Variants in TTPAL observed in about 807,000 individuals in gnomAD.
TTPAL encodes alpha tocopherol transfer protein like, also known as alpha-tocopherol transfer protein-like.
Under a neutral mutation model 28.7 loss-of-function variants are expected in TTPAL, and 21 were observed. That is an observed-to-expected ratio of 0.73 (90% CI 0.52 to 1.06). TTPAL has a LOEUF of 1.06. Ranked by LOEUF, TTPAL falls within the 50% of genes least tolerant of loss-of-function variation. The probability of loss-of-function intolerance (pLI) is 0.00; values close to 1 mark genes in which losing one functional copy is unlikely to be tolerated. For synonymous variants in TTPAL, 169 were observed against 171.9 expected (o/e 0.98, Z 0.13); for missense variants, 345 against 425.5 (o/e 0.81, Z 1.67).
Position 44,489,375 on chromosome 20 carries a change from C to T in TTPAL, c.863C>T (p.Ala288Val), listed in dbSNP as rs1226722642. Reference sequence around the variant, plus strand: ...GAGCTGGACACTGCCACCTGGAACGCGGTACTGCTGGCTTCAGAAGACGAT... The same window carrying T: ...GAGCTGGACACTGCCACCTGGAACGTGGTACTGCTGGCTTCAGAAGACGAT... ...AGELDTATWN[A>V]VLLASEDDFV... The change falls in exon 5 of 5, where the codon GCG becomes GTG. Residue 288 changes from alanine to valine, a missense_variant. Ala to Val is a moderately conservative substitution (Grantham distance 64). Coordinates refer to ENST00000262605, the MANE Select transcript of TTPAL (RefSeq NM_001039199.3). 13 of 1,614,140 alleles carry T rather than the reference C, an allele frequency of 8.1e-6. No homozygotes were observed. The highest frequency in any genetic ancestry group is 1.6e-4 in the Middle Eastern group (1 of 6,062).
rs1372612443 is a variant in TTPAL at position 44,484,546 on chromosome 20, G to A, written c.639+16G>A. 6.6e-7 allele frequency: 1 copy of A among 1,523,738 alleles called. No homozygotes were observed. The highest frequency in any genetic ancestry group is 1.4e-5 in the African/African-American group (1 of 73,558). 94.4% of individuals were successfully genotyped at this position (1,523,738 alleles called of 1,614,324 possible). Reference sequence around the variant, plus strand: ...CATCCTCCAGGTAAGACCCGTATGTGTCCTGCCTGTTTCGTGGTGGCTCTG... The same window carrying A: ...CATCCTCCAGGTAAGACCCGTATGTATCCTGCCTGTTTCGTGGTGGCTCTG... On this transcript the variant is annotated intron_variant, in intron 3 of 4. Transcript: ENST00000262605.
At position 44,484,198 on chromosome 20, in the gene TTPAL, A is replaced by T. The variant is rs565572977; in HGVS notation, c.446-139A>T. On this transcript the variant is annotated intron_variant, in intron 2 of 4. Transcript: ENST00000262605. ...CTGCTGCTTATTGTTCCATTTACTA[A>T]CCTAAATAAGAGTCATGGCTACTAG... 3.8e-4 allele frequency: 203 copies of T among 540,688 alleles called. 1 individual carries two copies. The highest frequency in any genetic ancestry group is 3.7e-3 in the Middle Eastern group (7 of 1,906). 33.5% of individuals were successfully genotyped at this position (540,688 alleles called of 1,614,324 possible).
chr20:44,491,610 C>CT lies in TTPAL; in HGVS notation c.*2069_*2070insT, dbSNP rs2064206826. ...TTCACCATGGATAGTAACCCTGGAT[C>CT]CTCTACGGTACTGGCTGAGCTGGAA... On this transcript the variant is annotated 3_prime_UTR_variant, in exon 5 of 5. Transcript: ENST00000262605. The CT allele has an allele frequency of 6.6e-6, 1 of 152,280 alleles. No individual in the cohort carries two copies. The highest frequency in any genetic ancestry group is 1.5e-5 in the Non-Finnish European group (1 of 68,034). The allele number at this position is 152,280 out of a possible 1,614,324, so 9.4% of individuals were successfully genotyped here.
chr20:44,484,404 A>G lies in TTPAL; in HGVS notation c.513A>G (p.Lys171=). The G allele has an allele frequency of 6.2e-7, 1 of 1,606,826 alleles. No homozygotes were observed. Among genetic ancestry groups the G allele is most frequent in the Non-Finnish European group, 8.5e-7 (1 of 1,173,990 alleles). ...GAGCCATATACTTGACCTTAGAAAA[A>G]CTCATTCAGTCTGAAGAAACCCAGG... The part of the protein sequence containing the change: ...NIRAIYLTLE[K]LIQSEETQVN... Residue 171 remains lysine, a synonymous_variant, in exon 3 of 5, where the codon AAA becomes AAG. Transcript: ENST00000262605.
At position 44,476,762 on chromosome 20, in the gene TTPAL, T is replaced by C. The variant is rs1482963787; in HGVS notation, c.-16+771T>C. 2.0e-5 allele frequency among the ~76,000 whole-genome samples: 3 copies of C among 152,240 alleles called. No homozygotes were observed. In the East Asian group the frequency reaches 5.8e-4, roughly 29 times the overall value. On this transcript the variant is annotated intron_variant, in intron 1 of 4. Transcript: ENST00000262605. ...ATGCATTCTCTTCATTCCACTATAATGTAAGCTTTATTAGGCAAGGAATTG... is the reference window on the plus strand; with the variant it reads ...ATGCATTCTCTTCATTCCACTATAACGTAAGCTTTATTAGGCAAGGAATTG...
At chr20:44,481,636 C>T (rs1023247117) in intron 2 of TTPAL, among the ~76,000 whole-genome samples, 2 of 152,318 alleles carry the variant, frequency 1.3e-5, no homozygotes, top group Admixed American at 6.5e-5. Context: ...AGCCCTCTTT[C>T]GCTCATTCAT....
intron 2 of TTPAL, among the ~76,000 whole-genome samples, chr20:44,482,254 T>C (rs2122824946): frequency 2.0e-5 from 3 of 152,238 alleles, no homozygotes; most frequent in Admixed American, 2.0e-4. Context: ...CACGAGAATT[T>C]TGCACATATC....
At chr20:44,484,840 G>A (rs1002904928) in intron 3 of TTPAL, among the ~76,000 whole-genome samples, 3 of 152,186 alleles carry the variant, frequency 2.0e-5, no homozygotes, top group South Asian at 2.1e-4. Context: ...CTGGCTGGGC[G>A]CGGTGGCTCA....
chr20:44,478,524 A>T (rs1010531020), intron 1 of TTPAL: 2 of 152,262 alleles, frequency 1.3e-5, no homozygotes, highest in Non-Finnish European at 2.9e-5. Flanking sequence ...TGACCGGCAC[A>T]TATTCCCGAC....
intron 4 of TTPAL, among the ~76,000 whole-genome samples, chr20:44,488,724 G>A (rs1044542943): frequency 2.0e-5 from 3 of 152,180 alleles, no homozygotes; most frequent in East Asian, 1.9e-4. Flanking sequence ...CAACCCTGAC[G>A]TGGGAGCCTG....
chr20:44,480,752 G>A lies in TTPAL; in HGVS notation c.445+308G>A, dbSNP rs993385375. Among the ~76,000 whole-genome samples, 10 of 152,208 alleles carry A rather than the reference G, an allele frequency of 6.6e-5. No homozygotes were observed. Among genetic ancestry groups the A allele is most frequent in the African/African-American group, 1.9e-4 (8 of 41,532 alleles). ...GCCGTTCTCCCTGTCTCTGCCTGAC[G>A]GTCTGTGTATCCTTCAGCCACACAT... On this transcript the variant is annotated intron_variant, in intron 2 of 4. Coordinates refer to ENST00000262605, the MANE Select transcript of TTPAL (RefSeq NM_001039199.3). This position sits in a 1 kb window ranked among gnomAD's most constrained non-coding sequence, Gnocchi z 4.1.
rs1348599888 is a variant in TTPAL, at chr20:44,492,438, C to T, written c.*2897C>T. On this transcript the variant is annotated 3_prime_UTR_variant, in exon 5 of 5. Transcript: ENST00000262605. ...AGTAAATTAGGAGACGCGGGCTCCA[C>T]CTTTACCTTACTACGTGGCCTTTGA... 2 of 152,258 alleles carry T rather than the reference C, an allele frequency of 1.3e-5. No individual in the cohort carries two copies. Among genetic ancestry groups the T allele is most frequent in the African/African-American group, 4.8e-5 (2 of 41,412 alleles). 9.4% of individuals were successfully genotyped at this position (152,258 alleles called of 1,614,324 possible).
rs1409362866 is a variant in TTPAL at position 44,489,279 on chromosome 20, C to T, written c.767C>T (p.Ser256Phe). 1 of 1,613,716 alleles carries T rather than the reference C, an allele frequency of 6.2e-7. No homozygotes were observed. Among genetic ancestry groups the T allele is most frequent in the Non-Finnish European group, 8.5e-7 (1 of 1,179,646 alleles). Residue 256 changes from serine (S) to phenylalanine (F), a missense_variant, in exon 5 of 5, where the codon TCT becomes TTT. By Grantham distance (155) the Ser-to-Phe change is radical. Transcript: ENST00000262605. ...KIANRFFLHGSDLNSLHTNLP... is the reference protein window; with the variant it reads ...KIANRFFLHGFDLNSLHTNLP... ...CCCTTTTAGTTCTTCCTCCATGGGT[C>T]TGACTTGAACTCTCTCCACACAAAC...
At chr20:44,479,465 C>G (rs1029668894) in intron 1 of TTPAL, among the ~76,000 whole-genome samples, 2 of 121,058 alleles carry the variant, frequency 1.7e-5, no homozygotes, top group African/African-American at 6.3e-5. Flanking sequence ...GCAGCGCCAT[C>G]TCGGCTCACT....
chr20:44,479,157 G>A (rs1049441215), intron 1 of TTPAL, among the ~76,000 whole-genome samples: 3 of 135,326 alleles, frequency 2.2e-5, no homozygotes, highest in Admixed American at 7.1e-5. Flanking sequence ...AGTCTCCCCT[G>A]ATAGGCAGTT....
intron 2 of TTPAL, among the ~76,000 whole-genome samples, chr20:44,481,068 G>GGTGCCTGCTCT (rs1442422008): frequency 6.6e-6 from 1 of 152,154 alleles, no homozygotes; most frequent in Non-Finnish European, 1.5e-5. Flanking sequence ...CACCTGGAAA[G>GGTGCCTGCTCT]GTGCCTCCTC....
rs1406972273 is a variant in TTPAL, at chr20:44,490,426, A to G, written c.*885A>G. 2 of 152,342 alleles carry G rather than the reference A, an allele frequency of 1.3e-5. No individual in the cohort carries two copies. Among genetic ancestry groups the G allele is most frequent in the African/African-American group, 2.4e-5 (1 of 41,448 alleles). 9.4% of individuals were successfully genotyped at this position (152,342 alleles called of 1,614,324 possible). A position where few individuals can be genotyped will look rare whatever the true frequency, so the allele number is the denominator to read the frequency against. ...GCTGGATGAAATGTCAGCTAGGGCC[A>G]TTTTGGCTGCTGAGGCTCTGGGATT... On this transcript the variant is annotated 3_prime_UTR_variant, in exon 5 of 5. Transcript: ENST00000262605.
rs1282129364 is a variant in TTPAL, at chr20:44,480,117, G to A, written c.118G>A (p.Val40Ile). 6.2e-7 allele frequency: 1 copy of A among 1,614,164 alleles called. No homozygotes were observed. The highest frequency in any genetic ancestry group is 2.2e-5 in the East Asian group (1 of 44,890). The change falls in exon 2 of 5, where the codon GTC (valine) becomes ATC (isoleucine). Residue 40 changes from valine (V) to isoleucine (I), a missense_variant. Val to Ile is a conservative substitution (Grantham distance 29, BLOSUM62 3). Coordinates refer to ENST00000262605, the MANE Select transcript of TTPAL (RefSeq NM_001039199.3). This position sits in a 1 kb window ranked among gnomAD's most constrained non-coding sequence, Gnocchi z 4.1. ...GYVCSLTEDL[V>I]TKAREELQEK... Reference sequence around the variant, plus strand: ...TGTGTGCTCACTGACAGAAGACCTGGTCACCAAAGCCCGGGAAGAGCTGCA... The same window carrying A: ...TGTGTGCTCACTGACAGAAGACCTGATCACCAAAGCCCGGGAAGAGCTGCA...
In TTPAL at chr20:44,479,889, C is replaced by G. The variant is rs571119603; in HGVS notation, c.-15-96C>G. On this transcript the variant is annotated intron_variant, in intron 1 of 4. Coordinates refer to ENST00000262605, the MANE Select transcript of TTPAL (RefSeq NM_001039199.3). Reference sequence around the variant, plus strand: ...TGAGAAACACTGCCCTGAGGTTACTCGGTTTTTACAGAAGTGTTCCTGTCC... The same window carrying G: ...TGAGAAACACTGCCCTGAGGTTACTGGGTTTTTACAGAAGTGTTCCTGTCC... 9.7e-6 allele frequency: 10 copies of G among 1,028,160 alleles called. No individual in the cohort carries two copies. The Admixed American group carries it at 2.6e-4, about 27-fold the overall frequency. The allele number at this position is 1,028,160 out of a possible 1,614,324, so 63.7% of individuals were successfully genotyped here. A position where few individuals can be genotyped will look rare whatever the true frequency, so the allele number is the denominator to read the frequency against.
Sources: allele counts gnomAD v4.1 joint callset (sites outside exome capture counted in the v4.1 genomes callset), GRCh38; gene constraint gnomAD v4.1.1; non-coding constraint Gnocchi (gnomAD v3.1); transcripts MANE v1.5; gene names NCBI Gene and HGNC (gene_info 2026-07-23, HGNC 2026-07-21).